SRGAP1: variants seen among roughly 807,000 people sequenced by gnomAD.
SRGAP1 encodes SLIT-ROBO Rho GTPase-activating protein 1.
Under a neutral mutation model 121.9 loss-of-function variants are expected in SRGAP1, and 43 were observed. The ratio of observed to expected loss-of-function variants is 0.35; its 90% confidence interval spans 0.28 to 0.46. SRGAP1 has a LOEUF of 0.46. Among genes scored for constraint, SRGAP1 ranks in the 20% least tolerant of loss-of-function variants. SRGAP1 has a pLI of 1.00. For missense variants in SRGAP1, 1,102 were observed against 1,350.9 expected, an observed-to-expected ratio of 0.82 and a Z score of 2.89; for synonymous variants, 447 against 485.4, an observed-to-expected ratio of 0.92 and a Z score of 1.04.
chr12:64,035,079 T>A (rs142614550), intron 4 of SRGAP1, among the ~76,000 whole-genome samples: 131 of 152,010 alleles, frequency 8.6e-4, no homozygotes, highest in African/African-American at 2.9e-3. Flanking sequence ...AAAAAAACTT[T>A]CTGGTTTCAC....
chr12:64,045,895 C>T (rs901507198), intron 6 of SRGAP1, among the ~76,000 whole-genome samples: 1 of 152,120 alleles, frequency 6.6e-6, no homozygotes, highest in Non-Finnish European at 1.5e-5. Flanking sequence ...AGTTGGGAGA[C>T]AAACTATAAA....
chr12:64,084,380 A>G (rs2035902542), intron 10 of SRGAP1, among the ~76,000 whole-genome samples: 1 of 152,158 alleles, frequency 6.6e-6, no homozygotes, highest in East Asian at 1.9e-4. Flanking sequence ...TTTAATAATT[A>G]AGTAGCTTTC....
chr12:63,990,857 T>A (rs2033540582), intron 3 of SRGAP1, among the ~76,000 whole-genome samples: 2 of 152,216 alleles, frequency 1.3e-5, no homozygotes, highest in Admixed American at 6.5e-5. Context: ...TCTTTCTTAG[T>A]TCACCAGACC....
intron 4 of SRGAP1, chr12:64,032,391 T>C (rs1195217150): frequency 4.0e-6 from 2 of 505,862 alleles, no homozygotes; most frequent in Non-Finnish European, 7.5e-6. Context: ...TTTTTACAAA[T>C]AGTTAAAAAC....
At chr12:63,874,187 A>T (rs2136279859) in intron 1 of SRGAP1, among the ~76,000 whole-genome samples, 1 of 152,266 alleles carries the variant, frequency 6.6e-6, no homozygotes, top group South Asian at 2.1e-4. Flanking sequence ...TTAGCATAAT[A>T]TGGAACCATT....
At chr12:63,944,400 C>A (rs1168419074) in intron 1 of SRGAP1, among the ~76,000 whole-genome samples, 1 of 152,210 alleles carries the variant, frequency 6.6e-6, no homozygotes, top group African/African-American at 2.4e-5. Flanking sequence ...GTCATCTTCT[C>A]AACCTTGCAT....
Position 64,034,903 on chromosome 12 carries a change from C to T in SRGAP1, c.490-7887C>T, listed in dbSNP as rs80112848. Among the ~76,000 whole-genome samples the T allele has an allele frequency of 8.3e-3, 1,256 of 152,202 alleles. 24 individuals are homozygous for T. The highest frequency in any genetic ancestry group is 0.028 in the African/African-American group (1,183 of 41,518). Reference sequence around the variant, plus strand: ...GCAAGTGTAATTGAAGTTTTGTAAACTTTGCTTTCACTGATTTATGAAGAG... The same window carrying T: ...GCAAGTGTAATTGAAGTTTTGTAAATTTTGCTTTCACTGATTTATGAAGAG... On this transcript the variant is annotated intron_variant, in intron 4 of 21. Coordinates refer to ENST00000355086, the MANE Select transcript of SRGAP1 (RefSeq NM_020762.4).
chr12:63,847,712 C>CT (rs1402806611), intron 1 of SRGAP1, among the ~76,000 whole-genome samples: 2 of 152,088 alleles, frequency 1.3e-5, no homozygotes, highest in Non-Finnish European at 2.9e-5. Flanking sequence ...CGCCACTGCA[C>CT]TCCAGCCTGG....
intron 4 of SRGAP1, among the ~76,000 whole-genome samples, chr12:64,031,897 G>A (rs1047169351): frequency 6.6e-6 from 1 of 152,148 alleles, no homozygotes. Flanking sequence ...ATAGATGAGG[G>A]TCAGAAAGGC....
chr12:63,930,609 A>G (rs1449272222), intron 1 of SRGAP1, among the ~76,000 whole-genome samples: 1 of 152,176 alleles, frequency 6.6e-6, no homozygotes, highest in South Asian at 2.1e-4. Flanking sequence ...AAGCATAAGT[A>G]TCTTTGATGA....
intron 1 of SRGAP1, among the ~76,000 whole-genome samples, chr12:63,939,440 A>G (rs74099392): frequency 0.023 from 3,450 of 151,970 alleles, 110 homozygotes; most frequent in African/African-American, 0.078. Context: ...GCGTAAGGGA[A>G]CTTGCAAGGA....
At chr12:63,998,999 C>T (rs58006550) in intron 3 of SRGAP1, among the ~76,000 whole-genome samples, 1,638 of 152,192 alleles carry the variant, frequency 0.011, 23 homozygotes, top group African/African-American at 0.034. Context: ...ATCTTAATTA[C>T]AGAACAGCAT....
intron 7 of SRGAP1, among the ~76,000 whole-genome samples, chr12:64,064,090 GT>G (rs2035496877): frequency 1.3e-5 from 2 of 152,046 alleles, no homozygotes; most frequent in African/African-American, 4.8e-5. Flanking sequence ...AAACCAAATG[GT>G]TGCTGTTTTA....
At position 64,142,280 on chromosome 12, in the gene SRGAP1, A is replaced by G; in HGVS notation, c.2881-15A>G. ...TCAGTCTGTGCTTTCTCTCTTTCCG[A>G]TTATTCTTCAATAGGATATTGAAGA... is the stretch of plus-strand genomic sequence containing the variant. On this transcript the variant is annotated splice_polypyrimidine_tract_variant and intron_variant, in intron 21 of 21. Coordinates refer to ENST00000355086, the MANE Select transcript of SRGAP1 (RefSeq NM_020762.4). 6.2e-7 allele frequency: 1 copy of G among 1,606,632 alleles called. No individual in the cohort carries two copies. Among genetic ancestry groups the G allele is most frequent in the Non-Finnish European group, 8.5e-7 (1 of 1,174,862 alleles).
In SRGAP1 at chr12:64,126,084, G is replaced by C; in HGVS notation, c.2332G>C (p.Glu778Gln). 1 of 1,614,222 alleles carries C rather than the reference G, an allele frequency of 6.2e-7. No individual in the cohort carries two copies. Among genetic ancestry groups the C allele is most frequent in the Non-Finnish European group, 8.5e-7 (1 of 1,180,034 alleles). Residue 778 changes from glutamate (E) to glutamine (Q), a missense_variant, in exon 19 of 22, where the codon GAG becomes CAG. Glu to Gln is a conservative substitution (Grantham distance 29). This residue lies in a region of SRGAP1 where 40 missense variants were observed against 78.4 expected (regional missense o/e 0.51). Transcript: ENST00000355086. ...CCTGCTGCTGTATCACCGTGCATCT[G>C]AGGACTGGTGGGAAGGCAGGCACAA... is the stretch of plus-strand genomic sequence containing the variant. Reference protein sequence around the residue: ...ASLLLYHRASEDWWEGRHNGI... With the variant: ...ASLLLYHRASQDWWEGRHNGI...
intron 2 of SRGAP1, 110 bp downstream of exon 2, chr12:63,984,252 C>T (rs1246251929): frequency 2.1e-6 from 1 of 485,682 alleles, no homozygotes; most frequent in Non-Finnish European, 3.4e-6. Flanking sequence ...GGTTGTAGAG[C>T]ATATTCTCAT....
chr12:64,137,983 A>AT lies in SRGAP1; in HGVS notation c.2881-4312_2881-4311insT, dbSNP rs1565697592. Among the ~76,000 whole-genome samples the AT allele has an allele frequency of 7.1e-3, 852 of 120,632 alleles. 13 individuals carry two copies. Among genetic ancestry groups the AT allele is most frequent in the African/African-American group, 0.022 (752 of 34,446 alleles). The allele number at this position is 120,632 out of a possible 152,430, so 79.1% of individuals were successfully genotyped here. A position where few individuals can be genotyped will look rare whatever the true frequency, so the allele number is the denominator to read the frequency against. On this transcript the variant is annotated intron_variant, in intron 21 of 21. Coordinates refer to ENST00000355086, the MANE Select transcript of SRGAP1 (RefSeq NM_020762.4). ...AAAAATATATATATATATATATATA[A>AT]AAAATAATAAAATTGACAATCTTAA...
intron 1 of SRGAP1, among the ~76,000 whole-genome samples, chr12:63,948,566 T>A (rs1278570633): frequency 6.6e-6 from 1 of 152,066 alleles, no homozygotes; most frequent in Non-Finnish European, 1.5e-5. Flanking sequence ...CACTTAATGT[T>A]ATTTTTTCTG....
At chr12:63,987,346 TA>T (rs1024282610) in intron 2 of SRGAP1, among the ~76,000 whole-genome samples, 5 of 152,142 alleles carry the variant, frequency 3.3e-5, no homozygotes, top group African/African-American at 1.2e-4. Context: ...TTCCCTGGAC[TA>T]AAAAAAGACT....
Sources: gnomAD v4.1 joint callset for allele counts (sites outside exome capture counted in the v4.1 genomes callset) on GRCh38, gnomAD v4.1.1 for gene constraint, gnomAD v4.1.1 regional missense constraint, MANE v1.5 for transcripts, NCBI Gene and HGNC (gene_info 2026-07-23, HGNC 2026-07-21) for gene names.